The following CNTNAP4 variants were observed in gnomAD, a reference collection of about 807,000 sequenced individuals.
CNTNAP4 encodes contactin associated protein family member 4.
In CNTNAP4, 98 loss-of-function variants were observed where a neutral mutation model predicts 148.4. The observed-to-expected ratio is 0.66, with a 90% CI of 0.56 to 0.78. The LOEUF (loss-of-function observed/expected upper bound fraction) is 0.78, where lower values mean the gene tolerates loss of function less well. Ranked by LOEUF, CNTNAP4 falls within the 30% of genes least tolerant of loss-of-function variation. The probability of loss-of-function intolerance (pLI) is 0.00; values close to 1 mark genes in which losing one functional copy is unlikely to be tolerated. For synonymous variants in CNTNAP4, 730 were observed against 565.1 expected, an observed-to-expected ratio of 1.29 and a Z score of -4.14; for missense variants, 1,935 against 1,565.6, an observed-to-expected ratio of 1.24 and a Z score of -3.98.
intron 3 of CNTNAP4, among the ~76,000 whole-genome samples, chr16:76,401,591 G>A (rs1222161440): frequency 6.6e-6 from 1 of 152,160 alleles, no homozygotes; most frequent in African/African-American, 2.4e-5. Context: ...TTGAACGAGA[G>A]TGGTGAGAGG....
At chr16:76,429,944 G>A (rs1046554608) in intron 4 of CNTNAP4, among the ~76,000 whole-genome samples, 10 of 152,104 alleles carry the variant, frequency 6.6e-5, no homozygotes, top group African/African-American at 2.4e-4. Flanking sequence ...GACAAATGAT[G>A]GTTGTGTAAC....
chr16:76,463,797 T>G (rs1428808994), intron 9 of CNTNAP4, among the ~76,000 whole-genome samples: 1 of 152,218 alleles, frequency 6.6e-6, no homozygotes, highest in Non-Finnish European at 1.5e-5. Flanking sequence ...CTCCTGAATT[T>G]GGGTTTTATG....
At chr16:76,324,254 G>C (rs1380849645) in intron 2 of CNTNAP4, among the ~76,000 whole-genome samples, 1 of 152,022 alleles carries the variant, frequency 6.6e-6, no homozygotes, top group Non-Finnish European at 1.5e-5. Context: ...GCTCAAATTT[G>C]GTCAATTAAA....
Position 76,558,475 on chromosome 16 carries a change from CT to C in CNTNAP4, c.3734-11del. ...GGACAGAAATTCTGACTTTATATTTCTTTTCTCTCTCTAGGTCTGATAGCTG... is the reference window on the plus strand; with the variant it reads ...GGACAGAAATTCTGACTTTATATTTCTTTCTCTCTCTAGGTCTGATAGCTG... On this transcript the variant is annotated splice_polypyrimidine_tract_variant and intron_variant, in intron 23 of 23. Coordinates refer to ENST00000611870, the MANE Select transcript of CNTNAP4 (RefSeq NM_033401.5). The C allele has an allele frequency of 6.7e-7, 1 of 1,503,332 alleles. No individual in the cohort carries two copies. The highest frequency in any genetic ancestry group is 9.1e-7 in the Non-Finnish European group (1 of 1,094,076). 93.1% of individuals were successfully genotyped at this position (1,503,332 alleles called of 1,614,324 possible).
intron 3 of CNTNAP4, among the ~76,000 whole-genome samples, chr16:76,363,058 TA>T (rs201897586): frequency 0.16 from 22,753 of 143,626 alleles, 2,243 homozygotes; most frequent in East Asian, 0.48. Flanking sequence ...CATGCTCTAT[TA>T]AAAAAAAAAA....
At chr16:76,368,502 A>G (rs531868931) in intron 3 of CNTNAP4, among the ~76,000 whole-genome samples, 24 of 152,344 alleles carry the variant, frequency 1.6e-4, no homozygotes, top group Admixed American at 1.1e-3. Context: ...GCCCTAAAAA[A>G]TGAGTTCATG....
intron 18 of CNTNAP4, among the ~76,000 whole-genome samples, chr16:76,537,034 C>G (rs2084242034): frequency 6.6e-6 from 1 of 152,124 alleles, no homozygotes; most frequent in African/African-American, 2.4e-5. Flanking sequence ...CAGGAATAAT[C>G]TATAATTTAC....
chr16:76,539,426 AT>A (rs977324741), intron 19 of CNTNAP4, among the ~76,000 whole-genome samples: 4 of 152,158 alleles, frequency 2.6e-5, no homozygotes, highest in African/African-American at 9.6e-5. Context: ...ACTTAATATT[AT>A]TTTTTAAGTG....
At chr16:76,509,344 C>G (rs1390935831) in intron 15 of CNTNAP4, among the ~76,000 whole-genome samples, 1 of 96,768 alleles carries the variant, frequency 1.0e-5, no homozygotes, top group African/African-American at 2.6e-5. Context: ...CCAAAAATGT[C>G]TCCAAACATT....
chr16:76,320,004 G>GACT (rs966052179), intron 2 of CNTNAP4, among the ~76,000 whole-genome samples: 3 of 152,212 alleles, frequency 2.0e-5, no homozygotes, highest in Non-Finnish European at 4.4e-5. Flanking sequence ...AAATATGGAA[G>GACT]TGGCTTTGGA....
intron 2 of CNTNAP4, among the ~76,000 whole-genome samples, chr16:76,339,910 A>G (rs999482847): frequency 5.9e-5 from 9 of 152,354 alleles, no homozygotes; most frequent in Middle Eastern, 6.8e-3. Context: ...AAGCTCTTAT[A>G]TAACAAGCTA....
At position 76,521,208 on chromosome 16, in the gene CNTNAP4, G is replaced by A; in HGVS notation, c.2434G>A (p.Glu812Lys). ...SYLHFPTFHG[E>K]LSADVSFFFK... ...TCTTCATTTTCCTACCTTCCACGGA[G>A]AACTTAGCGCGGATGTATCTTTCTT... Residue 812 changes from glutamate (E) to lysine (K), a missense_variant, in exon 16 of 24, where the codon GAA becomes AAA. Transcript: ENST00000611870. 1 of 1,611,744 alleles carries A rather than the reference G, an allele frequency of 6.2e-7. No homozygotes were observed. Among genetic ancestry groups the A allele is most frequent in the South Asian group, 1.1e-5 (1 of 90,610 alleles).
At chr16:76,419,535 C>A (rs1597477511) in intron 3 of CNTNAP4, among the ~76,000 whole-genome samples, 1 of 151,972 alleles carries the variant, frequency 6.6e-6, no homozygotes, top group Non-Finnish European at 1.5e-5. Context: ...CACTCAGTTT[C>A]CAGAGATTCA....
intron 17 of CNTNAP4, among the ~76,000 whole-genome samples, chr16:76,526,813 A>C (rs2083753093): frequency 6.6e-6 from 1 of 152,052 alleles, no homozygotes; most frequent in Non-Finnish European, 1.5e-5. Flanking sequence ...AGCTGGCACC[A>C]CAGGTACATG....
chr16:76,533,353 C>T (rs137886318), intron 17 of CNTNAP4, among the ~76,000 whole-genome samples: 3 of 151,984 alleles, frequency 2.0e-5, no homozygotes, highest in African/African-American at 7.2e-5. Context: ...AGGGAAGGGG[C>T]ACAGAGATTT....
At chr16:76,293,361 C>T (rs555286188) in intron 1 of CNTNAP4, among the ~76,000 whole-genome samples, 2 of 152,110 alleles carry the variant, frequency 1.3e-5, no homozygotes, top group East Asian at 1.9e-4. Context: ...CTCGTGATCT[C>T]GTTTTTCACT....
chr16:76,285,652 A>C (rs1247861061), intron 1 of CNTNAP4, among the ~76,000 whole-genome samples: 1 of 152,140 alleles, frequency 6.6e-6, no homozygotes, highest in Non-Finnish European at 1.5e-5. Context: ...AGCACCATGT[A>C]AATATATAAA....
chr16:76,522,119 G>A lies in CNTNAP4; in HGVS notation c.2617G>A (p.Asp873Asn). Residue 873 changes from aspartate (D) to asparagine (N), a missense_variant, in exon 17 of 24, where the codon GAC (aspartate) becomes AAC (asparagine). Asp to Asn is a conservative substitution (Grantham distance 23). Coordinates refer to ENST00000611870, the MANE Select transcript of CNTNAP4 (RefSeq NM_033401.5). ...AGTGCAGTCACCCACCCACTTCAAC[G>A]ACAACCAGTGGCACCATGTGAGGGT... The part of the protein sequence containing the change: ...ISVQSPTHFN[D>N]NQWHHVRVER... 1.2e-6 allele frequency: 2 copies of A among 1,613,898 alleles called. No homozygotes were observed. Among genetic ancestry groups the A allele is most frequent in the Non-Finnish European group, 1.7e-6 (2 of 1,179,868 alleles).
chr16:76,524,176 C>T (rs959810203), intron 17 of CNTNAP4, among the ~76,000 whole-genome samples: 2 of 152,068 alleles, frequency 1.3e-5, no homozygotes, highest in Non-Finnish European at 2.9e-5. Flanking sequence ...TAATGAATAG[C>T]TTCTATGAGT....
Sources: gnomAD v4.1 joint callset for allele counts (sites outside exome capture counted in the v4.1 genomes callset) on GRCh38, gnomAD v4.1.1 for gene constraint, MANE v1.5 for transcripts, NCBI Gene and HGNC (gene_info 2026-07-23, HGNC 2026-07-21) for gene names.